Variants in SETBP1 observed in about 807,000 individuals in gnomAD.
The protein encoded by SETBP1 is SET binding protein 1.
SETBP1 carries 9 observed loss-of-function variants against 101.0 expected under a neutral mutation model. The ratio of observed to expected loss-of-function variants is 0.09; its 90% CI spans 0.05 to 0.16. SETBP1 has a LOEUF of 0.16. Ranked by LOEUF, SETBP1 falls within the 10% of genes least tolerant of loss-of-function variation. The pLI is 1.00. For synonymous variants in SETBP1, 818 were observed against 788.5 expected (o/e 1.04, Z -0.63); for missense variants, 1,858 against 2,033.8 (o/e 0.91, Z 1.66).
rs541100651 is a variant in SETBP1, at chr18:45,042,027, A to G, written c.4171+3372A>G. On this transcript the variant is annotated intron_variant, in intron 5 of 5. Transcript: ENST00000649279. ...CCTAGTACAGTTCCTGACACATAGT[A>G]CATGCTCAGTAAATAATCACTGAGT... Among the ~76,000 whole-genome samples, 8 of 152,294 alleles carry G rather than the reference A, an allele frequency of 5.3e-5. No homozygotes were observed. The East Asian group carries it at 1.3e-3, about 26-fold the overall frequency.
intron 5 of SETBP1, among the ~76,000 whole-genome samples, chr18:45,062,840 T>C (rs939291793): frequency 6.6e-6 from 1 of 152,148 alleles, no homozygotes; most frequent in Non-Finnish European, 1.5e-5. Flanking sequence ...ACATAATTGT[T>C]GGGAGGACTG....
intron 3 of SETBP1, among the ~76,000 whole-genome samples, chr18:44,940,079 G>A (rs2071052952): frequency 6.6e-6 from 1 of 152,158 alleles, no homozygotes; most frequent in African/African-American, 2.4e-5. Context: ...AATTTAGGAT[G>A]ATTGTCTCTT....
At chr18:45,043,083 G>T (rs1344429479) in intron 5 of SETBP1, among the ~76,000 whole-genome samples, 1 of 152,190 alleles carries the variant, frequency 6.6e-6, no homozygotes, top group Non-Finnish European at 1.5e-5. Context: ...AATCATATCA[G>T]ATAATCCATA....
intron 4 of SETBP1, among the ~76,000 whole-genome samples, chr18:44,960,057 C>A (rs958924428): frequency 6.6e-6 from 1 of 152,072 alleles, no homozygotes; most frequent in Non-Finnish European, 1.5e-5. Context: ...GGTGCAAGCC[C>A]AGCTAATTTT....
intron 3 of SETBP1, among the ~76,000 whole-genome samples, chr18:44,889,244 T>C (rs1004130205): frequency 6.6e-6 from 1 of 152,140 alleles, no homozygotes; most frequent in Non-Finnish European, 1.5e-5. Flanking sequence ...TAAAAACATT[T>C]CATTTTTCTT....
At chr18:44,780,996 A>G (rs2071118683) in intron 2 of SETBP1, among the ~76,000 whole-genome samples, 1 of 152,168 alleles carries the variant, frequency 6.6e-6, no homozygotes. Flanking sequence ...CCCTAAGGCA[A>G]GGGTAAATCC....
chr18:44,821,665 G>A (rs2072116867), intron 2 of SETBP1, among the ~76,000 whole-genome samples: 1 of 152,188 alleles, frequency 6.6e-6, no homozygotes, highest in Admixed American at 6.5e-5. Flanking sequence ...ACACACAGCT[G>A]AGTGTTAAAT....
intron 3 of SETBP1, among the ~76,000 whole-genome samples, chr18:44,906,912 A>G (rs757188565): frequency 3.3e-5 from 5 of 152,336 alleles, no homozygotes; most frequent in Non-Finnish European, 5.9e-5. Flanking sequence ...AAGATACAAA[A>G]TAGTGATTTT....
rs76812225 is a variant in SETBP1 at position 44,709,319 on chromosome 18, G to C, written c.486+7487G>C. 1.2e-3 allele frequency among the ~76,000 whole-genome samples: 186 copies of C among 152,198 alleles called. 1 individual carries two copies. The highest frequency in any genetic ancestry group is 3.0e-3 in the Admixed American group (46 of 15,290). ...GTCATTTATTCTCTGAAGCATGGCT[G>C]GTGTGCTCTGTATGTGAAATTCTAG... On this transcript the variant is annotated intron_variant, in intron 2 of 5. Transcript: ENST00000649279.
chr18:44,693,968 G>A (rs1039354665), intron 1 of SETBP1, among the ~76,000 whole-genome samples: 3 of 152,216 alleles, frequency 2.0e-5, no homozygotes, highest in African/African-American at 7.2e-5. Flanking sequence ...TGGAAGAAGG[G>A]CATTGACTTC....
chr18:44,873,699 C>A (rs1233244043), intron 3 of SETBP1, among the ~76,000 whole-genome samples: 1 of 151,892 alleles, frequency 6.6e-6, no homozygotes, highest in Non-Finnish European at 1.5e-5. Context: ...AAATTATTTG[C>A]AAATTAAAGT....
At chr18:45,008,245 T>C (rs1375386045) in intron 4 of SETBP1, among the ~76,000 whole-genome samples, 1 of 152,198 alleles carries the variant, frequency 6.6e-6, no homozygotes, top group African/African-American at 2.4e-5. Flanking sequence ...GAATTGAGTA[T>C]ATATCAATAA....
intron 2 of SETBP1, among the ~76,000 whole-genome samples, chr18:44,862,492 C>A (rs532015052): frequency 6.6e-6 from 1 of 152,162 alleles, no homozygotes; most frequent in African/African-American, 2.4e-5. Flanking sequence ...ACCACCCCCG[C>A]GGTCTCTACA....
chr18:44,826,582 G>A (rs1170241219), intron 2 of SETBP1, among the ~76,000 whole-genome samples: 2 of 152,142 alleles, frequency 1.3e-5, no homozygotes, highest in African/African-American at 2.4e-5. Flanking sequence ...AGAGAGACGG[G>A]AGAGCTAGCA....
chr18:44,684,288 T>C (rs1404434414), intron 1 of SETBP1, among the ~76,000 whole-genome samples: 1 of 152,216 alleles, frequency 6.6e-6, no homozygotes, highest in African/African-American at 2.4e-5. Context: ...TGCACATACT[T>C]TGGCCTGCCA....
At chr18:44,821,481 G>A (rs1263407668) in intron 2 of SETBP1, among the ~76,000 whole-genome samples, 2 of 152,080 alleles carry the variant, frequency 1.3e-5, no homozygotes, top group Non-Finnish European at 1.5e-5. Flanking sequence ...AAACTTAAAT[G>A]GCACTTTCTC....
intron 2 of SETBP1, among the ~76,000 whole-genome samples, chr18:44,844,792 G>A (rs1440694682): frequency 6.6e-6 from 1 of 152,164 alleles, no homozygotes; most frequent in African/African-American, 2.4e-5. Flanking sequence ...AGTGGAGATT[G>A]CTGGAAGTTC....
intron 2 of SETBP1, among the ~76,000 whole-genome samples, chr18:44,808,281 C>T (rs2071790344): frequency 6.6e-6 from 1 of 152,190 alleles, no homozygotes; most frequent in South Asian, 2.1e-4. Context: ...CTTCACATGT[C>T]TTTATAAATC....
At chr18:45,034,082 T>A (rs967825626) in intron 4 of SETBP1, among the ~76,000 whole-genome samples, 2 of 152,184 alleles carry the variant, frequency 1.3e-5, no homozygotes, top group East Asian at 3.8e-4. Flanking sequence ...ATTAAAGGGA[T>A]CCTGGGAAAG....
Sources: allele counts gnomAD v4.1 joint callset (sites outside exome capture counted in the v4.1 genomes callset), GRCh38; gene constraint gnomAD v4.1.1; transcripts MANE v1.5; gene names NCBI Gene and HGNC (gene_info 2026-07-23, HGNC 2026-07-21).